Variants in COL22A1 observed in about 807,000 individuals in gnomAD.
COL22A1 encodes collagen alpha-1(XXII) chain.
A neutral mutation model predicts 248.9 loss-of-function variants in COL22A1; 221 were observed. The ratio of observed to expected loss-of-function variants is 0.89; its 90% confidence interval spans 0.80 to 0.99. The LOEUF (loss-of-function observed/expected upper bound fraction) is 0.99, where lower values mean the gene tolerates loss of function less well. Among genes scored for constraint, COL22A1 ranks in the 50% least tolerant of loss-of-function variants. The pLI, the probability that COL22A1 is intolerant of heterozygous loss-of-function variation, is 0.00. For missense variants in COL22A1, 2,240 were observed against 2,179.0 expected (o/e 1.03, Z -0.56); for synonymous variants, 891 against 793.4 (o/e 1.12, Z -2.07).
chr8:138,714,872 C>G (rs759422027), intron 30 of COL22A1, among the ~76,000 whole-genome samples: 6 of 152,132 alleles, frequency 3.9e-5, no homozygotes, highest in Non-Finnish European at 8.8e-5. Flanking sequence ...ATGAACGATG[C>G]AGGGGAAAGG....
chr8:138,691,962 GT>G (rs1827006765), intron 35 of COL22A1, among the ~76,000 whole-genome samples: 3 of 149,326 alleles, frequency 2.0e-5, no homozygotes, highest in South Asian at 2.1e-4. Flanking sequence ...GTTTGTGGAG[GT>G]GCATGTGTGG....
intron 10 of COL22A1, among the ~76,000 whole-genome samples, chr8:138,805,852 G>A (rs575752895): frequency 0.014 from 2,045 of 142,452 alleles, 21 homozygotes; most frequent in Middle Eastern, 0.029. Flanking sequence ...GTGTATGTGT[G>A]ATGGTGTGTG....
chr8:138,649,844 C>G (rs2130550283), intron 45 of COL22A1, 66 bp from the exon 46 acceptor site: 1 of 984,488 alleles, frequency 1.0e-6, no homozygotes. Context: ...CAAAGCAAAG[C>G]AAAGTAGCCC....
chr8:138,607,776 G>GC (rs1229247684), intron 57 of COL22A1, among the ~76,000 whole-genome samples, 160 bp downstream of exon 57: 1 of 152,094 alleles, frequency 6.6e-6, no homozygotes, highest in African/African-American at 2.4e-5. Flanking sequence ...TTAAAAAATG[G>GC]CCCTATGGAG....
intron 33 of COL22A1, 111 bp downstream of exon 33, chr8:138,694,715 G>T: frequency 7.1e-7 from 1 of 1,405,710 alleles, no homozygotes; most frequent in Non-Finnish European, 9.9e-7. Flanking sequence ...CTTCCATTCA[G>T]TGTGGCTCCT....
chr8:138,714,159 C>T (rs1563654889), intron 30 of COL22A1, among the ~76,000 whole-genome samples: 1 of 152,208 alleles, frequency 6.6e-6, no homozygotes, highest in Non-Finnish European at 1.5e-5. Context: ...AGCCTCCCTC[C>T]AAAGCAATCA....
intron 18 of COL22A1, among the ~76,000 whole-genome samples, chr8:138,759,223 T>C (rs1266843363): frequency 1.3e-5 from 2 of 152,212 alleles, no homozygotes; most frequent in African/African-American, 4.8e-5. Context: ...TTTATTTATT[T>C]ATAACAGATA....
intron 47 of COL22A1, among the ~76,000 whole-genome samples, chr8:138,645,337 T>A (rs143043166): frequency 7.3e-4 from 111 of 152,330 alleles, no homozygotes; most frequent in African/African-American, 2.7e-3. Flanking sequence ...GTCTCCCTAA[T>A]GCTGGTCTTT....
chr8:138,878,537 C>T (rs942875527), intron 2 of COL22A1, among the ~76,000 whole-genome samples: 1 of 152,158 alleles, frequency 6.6e-6, no homozygotes, highest in East Asian at 1.9e-4. Context: ...CTGTGAGGCT[C>T]AACTGACAGT....
intron 7 of COL22A1, 137 bp from the exon 8 acceptor site, chr8:138,813,156 C>A (rs750178309): frequency 2.1e-5 from 14 of 659,734 alleles, no homozygotes; most frequent in South Asian, 1.7e-5. Flanking sequence ...CCCCAGGATA[C>A]CCCTATCCTG....
intron 3 of COL22A1, among the ~76,000 whole-genome samples, chr8:138,866,826 G>GA (rs1054690126): frequency 8.9e-5 from 2 of 22,380 alleles, no homozygotes; most frequent in Non-Finnish European, 3.9e-4. Context: ...ATGGGAGGCA[G>GA]GGGAATATCT....
chr8:138,628,853 C>T (rs1246590087), intron 50 of COL22A1, among the ~76,000 whole-genome samples: 1 of 150,448 alleles, frequency 6.6e-6, no homozygotes, highest in African/African-American at 2.5e-5. Flanking sequence ...GCAATCTCCA[C>T]CTCCCTGGTT....
intron 23 of COL22A1, among the ~76,000 whole-genome samples, chr8:138,731,859 T>G (rs1410836327): frequency 6.6e-6 from 1 of 152,160 alleles, no homozygotes; most frequent in Admixed American, 6.5e-5. Context: ...GACCTTACCG[T>G]GAGGCTCAAT....
At chr8:138,824,422 C>T (rs1433468411) in intron 6 of COL22A1, among the ~76,000 whole-genome samples, 1 of 152,182 alleles carries the variant, frequency 6.6e-6, no homozygotes, top group Non-Finnish European at 1.5e-5. Flanking sequence ...TCTAATCTCT[C>T]TATTACTGCC....
intron 14 of COL22A1, 50 bp from the exon 15 acceptor site, chr8:138,778,456 C>A: frequency 6.6e-7 from 1 of 1,507,892 alleles, no homozygotes; most frequent in Non-Finnish European, 8.9e-7. Flanking sequence ...AAAAGAAAGG[C>A]AAGTGCAGCC....
intron 57 of COL22A1, among the ~76,000 whole-genome samples, chr8:138,607,059 C>T (rs529144418): frequency 6.6e-6 from 1 of 152,118 alleles, no homozygotes; most frequent in African/African-American, 2.4e-5. Flanking sequence ...ATAGCTGTCC[C>T]TAGTCCAACA....
At chr8:138,638,686 A>G (rs568874831) in intron 47 of COL22A1, among the ~76,000 whole-genome samples, 114 of 152,322 alleles carry the variant, frequency 7.5e-4, no homozygotes, top group African/African-American at 2.6e-3. Context: ...TTTCCACGTA[A>G]TTATTTTTAC....
At chr8:138,880,378 A>G (rs1824102273) in intron 2 of COL22A1, among the ~76,000 whole-genome samples, 1 of 152,274 alleles carries the variant, frequency 6.6e-6, no homozygotes, top group African/African-American at 2.4e-5. Flanking sequence ...GTATGTATGC[A>G]TGACAGAAAC....
chr8:138,768,748 C>A (rs1834110644), intron 16 of COL22A1, among the ~76,000 whole-genome samples: 1 of 151,972 alleles, frequency 6.6e-6, no homozygotes, highest in Non-Finnish European at 1.5e-5. Context: ...CCAGCCTGGC[C>A]AACATAGTGA....
Sources: gnomAD v4.1 joint callset for allele counts (sites outside exome capture counted in the v4.1 genomes callset) on GRCh38, gnomAD v4.1.1 for gene constraint, MANE v1.5 for transcripts, NCBI Gene and HGNC (gene_info 2026-07-23, HGNC 2026-07-21) for gene names.